TMEM259: variants seen among roughly 807,000 people sequenced by gnomAD.
The protein encoded by TMEM259 is transmembrane protein 259, also known as membralin.
Under a neutral mutation model 46.7 loss-of-function variants are expected in TMEM259, and 26 were observed. That is an observed-to-expected ratio of 0.56 (90% confidence interval 0.41 to 0.77). TMEM259 has a LOEUF of 0.77. TMEM259 is among the 30% of genes least tolerant of loss of function. The probability of loss-of-function intolerance (pLI) is 0.00; values close to 1 mark genes in which losing one functional copy is unlikely to be tolerated. For missense variants in TMEM259, 930 were observed against 900.5 expected (o/e 1.03, Z -0.42); for synonymous variants, 494 against 395.1 (o/e 1.25, Z -2.97).
rs748211372 is a variant in TMEM259 at position 1,014,353 on chromosome 19, G to A, written c.346C>T (p.Arg116Trp). 36 of 1,612,854 alleles carry A rather than the reference G, an allele frequency of 2.2e-5. No individual in the cohort carries two copies. The highest frequency in any genetic ancestry group is 2.7e-5 in the African/African-American group (2 of 74,946). ...ACGGGCGCGCGGCTCGAGTTGTGCC[G>A]CACTTCCACACGCAGGATGCCCTCA... ...PREGILRVEV[R>W]HNSSRAPVFL... is the part of the protein sequence containing the mutation. The change falls in exon 2 of 11, where the codon CGG (arginine) becomes TGG (tryptophan). Residue 116 changes from arginine (R) to tryptophan (W), a missense_variant. By Grantham distance (101) the Arg-to-Trp change is moderately radical. Coordinates refer to ENST00000356663, the MANE Select transcript of TMEM259 (RefSeq NM_001033026.2).
rs778303512 is a variant in TMEM259, at chr19:1,012,154, G to A, written c.753C>T (p.Phe251=). ...GGAACTCATCCAGCAGCAGGCGGCT[G>A]AAGCGGTCCCCGAAGCACTGGTCCC... ...PTRDQCFGDR[F]SRLLLDEFLG... The change falls in exon 5 of 11, where the codon TTC becomes TTT. Residue 251 remains phenylalanine (F), a synonymous_variant. Coordinates refer to ENST00000356663, the MANE Select transcript of TMEM259 (RefSeq NM_001033026.2). The A allele has an allele frequency of 6.2e-5, 99 of 1,607,588 alleles. No individual in the cohort carries two copies. In the South Asian group the frequency reaches 1.0e-3, roughly 17 times the overall value.
At chr19:1,017,440 G>A (rs947624450) in intron 1 of TMEM259, 4 of 400,120 alleles carry the variant, frequency 1.0e-5, no homozygotes, top group South Asian at 1.2e-4. Context: ...CTTCCCACAC[G>A]CTCTCCAGCT....
At chr19:1,011,689 C>T (rs529383473) in intron 7 of TMEM259, 26 bp from the exon 8 acceptor site, 26 of 1,534,188 alleles carry the variant, frequency 1.7e-5, no homozygotes, top group Admixed American at 1.0e-4. Flanking sequence ...GGCGGGCGCC[C>T]GGTGAGGGCC....
At position 1,021,106 on chromosome 19, in the gene TMEM259, G is replaced by A. The variant is rs1390078713; in HGVS notation, c.-110C>T. 3 of 1,147,330 alleles carry A rather than the reference G, an allele frequency of 2.6e-6. No homozygotes were observed. Among genetic ancestry groups the A allele is most frequent in the Non-Finnish European group, 3.3e-6 (3 of 911,306 alleles). The allele number at this position is 1,147,330 out of a possible 1,614,324, so 71.1% of individuals were successfully genotyped here. On this transcript the variant is annotated 5_prime_UTR_variant, in exon 1 of 11. Coordinates refer to ENST00000356663, the MANE Select transcript of TMEM259 (RefSeq NM_001033026.2). ...TCCTCACGGCCTCCCGGCCGCCGCC[G>A]CCATCTTCCGCTTTCTCGTCCGGCT...
rs775474352 is a variant in TMEM259, at chr19:1,011,812, G to A, written c.943-14C>T. On this transcript the variant is annotated splice_polypyrimidine_tract_variant and intron_variant, in intron 6 of 10. Coordinates refer to ENST00000356663, the MANE Select transcript of TMEM259 (RefSeq NM_001033026.2). The stretch of plus-strand genomic sequence containing the variant: ...CACGCTCAGCGTCTGCAAGGGGCGC[G>A]CAGGAAGCGCTATGAGGGGCTGCGA... 1.4e-5 allele frequency: 22 copies of A among 1,585,246 alleles called. No individual in the cohort carries two copies. The East Asian group carries it at 2.1e-4, about 15-fold the overall frequency.
intron 8 of TMEM259, 31 bp from the exon 9 acceptor site, chr19:1,011,530 G>T: frequency 6.5e-7 from 1 of 1,543,794 alleles, no homozygotes; most frequent in Non-Finnish European, 8.7e-7. Context: ...GGTTGAAGCG[G>T]GCGGGGCGGG....
intron 3 of TMEM259, 95 bp downstream of exon 3, chr19:1,013,146 C>T: frequency 9.0e-7 from 1 of 1,108,518 alleles, no homozygotes; most frequent in Non-Finnish European, 1.4e-6. Flanking sequence ...ATGCAGCCAG[C>T]AGGCTGGGGA....
Position 1,013,337 on chromosome 19 carries a change from C to G in TMEM259, c.511G>C (p.Glu171Gln), listed in dbSNP as rs1201864580. Residue 171 changes from glutamate (E) to glutamine (Q), a missense_variant, in exon 3 of 11, where the codon GAG becomes CAG. Coordinates refer to ENST00000356663, the MANE Select transcript of TMEM259 (RefSeq NM_001033026.2). ...EMFGNSSIKF[E>Q]LDIEPKVFKP... ...AACACCTTGGGCTCGATGTCCAGCT[C>G]AAACTGTGGGCGACCAGGGACCTGG... The G allele has an allele frequency of 6.2e-7, 1 of 1,613,432 alleles. No individual in the cohort carries two copies. The highest frequency in any genetic ancestry group is 8.5e-7 in the Non-Finnish European group (1 of 1,179,608).
At chr19:1,014,140 A>G in intron 2 of TMEM259, 52 bp downstream of exon 2, 1 of 1,568,748 alleles carries the variant, frequency 6.4e-7, no homozygotes, top group African/African-American at 1.4e-5. Flanking sequence ...TTCAGCGACC[A>G]GCATCTACGG....
Position 1,012,056 on chromosome 19 carries a change from C to T in TMEM259, c.841+10G>A, listed in dbSNP as rs528151720. 2 of 1,612,106 alleles carry T rather than the reference C, an allele frequency of 1.2e-6. No homozygotes were observed. Among genetic ancestry groups the T allele is most frequent in the East Asian group, 2.2e-5 (1 of 44,858 alleles). On this transcript the variant is annotated intron_variant, in intron 5 of 10. Transcript: ENST00000356663. ...CGCCCTCGCACCCTCGGCCCCGGGG[C>T]ATGCCTCACCCTTGTTCTCCTCGTT... is the stretch of plus-strand genomic sequence containing the variant.
In TMEM259 at chr19:1,009,861, G is replaced by A; in HGVS notation, c.*489C>T. 2.5e-6 allele frequency: 1 copy of A among 404,476 alleles called. No homozygotes were observed. The highest frequency in any genetic ancestry group is 6.0e-5 in the South Asian group (1 of 16,634). 25.1% of individuals were successfully genotyped at this position (404,476 alleles called of 1,614,324 possible). A position where few individuals can be genotyped will look rare whatever the true frequency, so the allele number is the denominator to read the frequency against. On this transcript the variant is annotated 3_prime_UTR_variant, in exon 11 of 11. Coordinates refer to ENST00000356663, the MANE Select transcript of TMEM259 (RefSeq NM_001033026.2). ...CCACGTCCCTATGCCCGAGGCGCAA[G>A]CTCTGCTCTCCCGGGGACCCCAAGC...
At chr19:1,016,924 A>C (rs1418602444) in intron 1 of TMEM259, among the ~76,000 whole-genome samples, 1 of 152,128 alleles carries the variant, frequency 6.6e-6, no homozygotes, top group Non-Finnish European at 1.5e-5. Context: ...CCAGTCAAAG[A>C]CTTCAAGTCC....
In TMEM259 at chr19:1,010,206, C is replaced by G. The variant is rs945471331; in HGVS notation, c.*144G>C. ...CACCAGGGGGAGGAAAGCCGCCTTCCGGGCAAACCCCACGAAACCCTGAAA... is the reference window on the plus strand; with the variant it reads ...CACCAGGGGGAGGAAAGCCGCCTTCGGGGCAAACCCCACGAAACCCTGAAA... On this transcript the variant is annotated 3_prime_UTR_variant, in exon 11 of 11. Coordinates refer to ENST00000356663, the MANE Select transcript of TMEM259 (RefSeq NM_001033026.2). 2 of 801,254 alleles carry G rather than the reference C, an allele frequency of 2.5e-6. No homozygotes were observed. The highest frequency in any genetic ancestry group is 4.5e-5 in the South Asian group (2 of 44,180). 49.6% of individuals were successfully genotyped at this position (801,254 alleles called of 1,614,324 possible).
At position 1,021,074 on chromosome 19, in the gene TMEM259, G is replaced by T; in HGVS notation, c.-78C>A. 1.6e-6 allele frequency: 2 copies of T among 1,255,854 alleles called. No individual in the cohort carries two copies. Among genetic ancestry groups the T allele is most frequent in the Non-Finnish European group, 2.0e-6 (2 of 993,038 alleles). The allele number at this position is 1,255,854 out of a possible 1,614,324, so 77.8% of individuals were successfully genotyped here. On this transcript the variant is annotated 5_prime_UTR_variant, in exon 1 of 11. Transcript: ENST00000356663. Reference sequence around the variant, plus strand: ...GCCGCCATCGGCCGCCCTCGCAGCCGCCGCTCTCCTCACGGCCTCCCGGCC... The same window carrying T: ...GCCGCCATCGGCCGCCCTCGCAGCCTCCGCTCTCCTCACGGCCTCCCGGCC...
chr19:1,010,506 CG>C lies in TMEM259; in HGVS notation c.1706del (p.Pro569ArgfsTer33), dbSNP rs1568397495. On this transcript the variant is annotated frameshift_variant, in exon 11 of 11. Transcript: ENST00000356663. LOFTEE classifies it low-confidence loss of function (END_TRUNC). ...ASLLERRPAS[P>X]LGPAGGLPHA... ...GGGGGAGGCCCCCAGCAGGGCCCAGCGGGCTGGCTGGACGCCGCTCCAGGAG... is the reference window on the plus strand; with the variant it reads ...GGGGGAGGCCCCCAGCAGGGCCCAGCGGCTGGCTGGACGCCGCTCCAGGAG... 10 of 1,547,038 alleles carry C rather than the reference CG, an allele frequency of 6.5e-6. No homozygotes were observed.
Position 1,021,037 on chromosome 19 carries a change from G to C in TMEM259, c.-41C>G, listed in dbSNP as rs1287560519. 11 of 1,324,464 alleles carry C rather than the reference G, an allele frequency of 8.3e-6. No homozygotes were observed. Among genetic ancestry groups the C allele is most frequent in the Non-Finnish European group, 1.1e-5 (11 of 1,027,172 alleles). 82.0% of individuals were successfully genotyped at this position (1,324,464 alleles called of 1,614,324 possible). A position where few individuals can be genotyped will look rare whatever the true frequency, so the allele number is the denominator to read the frequency against. On this transcript the variant is annotated 5_prime_UTR_variant, in exon 1 of 11. Coordinates refer to ENST00000356663, the MANE Select transcript of TMEM259 (RefSeq NM_001033026.2). ...GCCCTAACGACCCGCAAGTGTCCGAGGGCGCCTCCCGGCCGCCATCGGCCG... is the reference window on the plus strand; with the variant it reads ...GCCCTAACGACCCGCAAGTGTCCGACGGCGCCTCCCGGCCGCCATCGGCCG...
intron 1 of TMEM259, among the ~76,000 whole-genome samples, chr19:1,019,596 G>A (rs2039220699): frequency 6.6e-6 from 1 of 152,176 alleles, no homozygotes; most frequent in Admixed American, 6.5e-5. Context: ...GCAGCAGGCT[G>A]GGACCCACAC....
chr19:1,020,964 C>A lies in TMEM259; in HGVS notation c.33G>T (p.Gly11=). The A allele has an allele frequency of 7.8e-7, 1 of 1,276,052 alleles. No homozygotes were observed. Among genetic ancestry groups the A allele is most frequent in the South Asian group, 3.0e-5 (1 of 33,300 alleles). 79.0% of individuals were successfully genotyped at this position (1,276,052 alleles called of 1,614,324 possible). A position where few individuals can be genotyped will look rare whatever the true frequency, so the allele number is the denominator to read the frequency against. MSEHVEPAAP[G]PGPNGGGGGP... is the part of the protein sequence containing the mutation. ...CGCCGCCGCCGCCGTTGGGCCCGGGCCCCGGAGCTGCGGGCTCCACGTGCT... is the reference window on the plus strand; with the variant it reads ...CGCCGCCGCCGCCGTTGGGCCCGGGACCCGGAGCTGCGGGCTCCACGTGCT... The change falls in exon 1 of 11, where the codon GGG becomes GGT. Residue 11 remains glycine (G), a synonymous_variant. Transcript: ENST00000356663. The surrounding 1 kb of genome is among the most constrained non-coding windows in gnomAD (Gnocchi z 4.0).
intron 1 of TMEM259, among the ~76,000 whole-genome samples, chr19:1,019,552 CGGATCT>C (rs2039219417): frequency 6.6e-6 from 1 of 152,142 alleles, no homozygotes; most frequent in Non-Finnish European, 1.5e-5. Context: ...TGGGGAGGCA[CGGATCT>C]GGAGGCTGGG....
Sources: gnomAD v4.1 joint callset for allele counts (sites outside exome capture counted in the v4.1 genomes callset) on GRCh38, gnomAD v4.1.1 for gene constraint, Gnocchi (gnomAD v3.1) non-coding constraint, MANE v1.5 for transcripts, NCBI Gene and HGNC (gene_info 2026-07-23, HGNC 2026-07-21) for gene names.